JPH3: variants seen among roughly 807,000 people sequenced by gnomAD.
The protein encoded by JPH3 is junctophilin 3.
Under a neutral mutation model 59.6 loss-of-function variants are expected in JPH3, and 11 were observed. The ratio of observed to expected loss-of-function variants is 0.18; its 90% CI spans 0.12 to 0.31. JPH3 has a LOEUF of 0.31. Ranked by LOEUF, JPH3 falls within the 10% of genes least tolerant of loss-of-function variation. The pLI is 1.00. For synonymous variants in JPH3, 673 were observed against 483.6 expected, an observed-to-expected ratio of 1.39 and a Z score of -5.14; for missense variants, 1,202 against 1,105.7, an observed-to-expected ratio of 1.09 and a Z score of -1.24.
Position 87,602,897 on chromosome 16 carries a change from C to T in JPH3, c.-250C>T. 1 of 271,716 alleles carries T rather than the reference C, an allele frequency of 3.7e-6. No homozygotes were observed. The highest frequency in any genetic ancestry group is 3.1e-5 in the South Asian group (1 of 32,244). The allele number at this position is 271,716 out of a possible 1,614,324, so 16.8% of individuals were successfully genotyped here. The stretch of plus-strand genomic sequence containing the variant: ...CTCCCCCTCCCCTCCGGTCCTGTCT[C>T]CAGCGGGAGCGCGAGACGCTGGTCA... On this transcript the variant is annotated 5_prime_UTR_variant, in exon 1 of 5. Transcript: ENST00000284262.
intron 2 of JPH3, among the ~76,000 whole-genome samples, chr16:87,652,709 T>C (rs2032364691): frequency 6.6e-6 from 1 of 152,206 alleles, no homozygotes; most frequent in South Asian, 2.1e-4. Flanking sequence ...TAGATGATGG[T>C]GCCTACTCTC....
At chr16:87,679,984 C>T (rs2033245016) in intron 2 of JPH3, among the ~76,000 whole-genome samples, 1 of 152,344 alleles carries the variant, frequency 6.6e-6, no homozygotes, top group Non-Finnish European at 1.5e-5. Flanking sequence ...GTTGGGGGGC[C>T]TGTGGACCCC....
chr16:87,676,938 G>A (rs112249770), intron 2 of JPH3, among the ~76,000 whole-genome samples: 2 of 151,902 alleles, frequency 1.3e-5, no homozygotes, highest in African/African-American at 4.9e-5. Context: ...TGGGGAGGCT[G>A]AAGTGGGCGG....
chr16:87,644,481 T>C lies in JPH3; in HGVS notation c.606T>C (p.Ser202=). The C allele has an allele frequency of 1.2e-6, 2 of 1,612,756 alleles. No homozygotes were observed. The highest frequency in any genetic ancestry group is 1.3e-5 in the African/African-American group (1 of 75,014). Residue 202 remains serine, a synonymous_variant, in exon 2 of 5, where the codon AGT becomes AGC. Coordinates refer to ENST00000284262, the MANE Select transcript of JPH3 (RefSeq NM_020655.4). The part of the protein sequence containing the change: ...SRGGFVLVAH[S]DSEILKSKKK... ...GGGGCTTCGTGCTCGTGGCCCACAG[T>C]GACTCCGAGATCCTCAAGAGCAAGA...
In JPH3 at chr16:87,644,413, G is replaced by A. The variant is rs538808011; in HGVS notation, c.538G>A (p.Asp180Asn). Reference sequence around the variant, plus strand: ...CACCAACGGCACGGCGCTGCATCCCGACGCCTCTCCGGCGGTGGCCGGCAG... The same window carrying A: ...CACCAACGGCACGGCGCTGCATCCCAACGCCTCTCCGGCGGTGGCCGGCAG... ...EHTNGTALHP[D>N]ASPAVAGSPA... The change falls in exon 2 of 5, where the codon GAC becomes AAC. Residue 180 changes from aspartate (D) to asparagine (N), a missense_variant. Physicochemically the swap from Asp to Asn is conservative, Grantham distance 23. Coordinates refer to ENST00000284262, the MANE Select transcript of JPH3 (RefSeq NM_020655.4). The A allele has an allele frequency of 4.7e-5, 76 of 1,612,426 alleles. No individual in the cohort carries two copies. Among genetic ancestry groups the A allele is most frequent in the Admixed American group, 1.2e-4 (7 of 59,986 alleles).
intron 2 of JPH3, among the ~76,000 whole-genome samples, chr16:87,649,783 A>AAGGTTCATTGCCC (rs151153247): frequency 6.6e-6 from 1 of 151,400 alleles, no homozygotes; most frequent in Non-Finnish European, 1.5e-5. Flanking sequence ...CCCCAGGGTG[A>AAGGTTCATTGCCC]AGGAGACATC....
chr16:87,626,265 CTG>C (rs942479780), intron 1 of JPH3, among the ~76,000 whole-genome samples: 15 of 152,142 alleles, frequency 9.9e-5, no homozygotes, highest in African/African-American at 3.6e-4. Flanking sequence ...CACGTGCAGA[CTG>C]AGGTTGCTTA....
In JPH3 at chr16:87,690,270, G is replaced by T. The variant is rs752043597; in HGVS notation, c.1910G>T (p.Arg637Leu). The T allele has an allele frequency of 2.2e-5, 35 of 1,601,690 alleles. No homozygotes were observed. The highest frequency in any genetic ancestry group is 2.9e-5 in the Non-Finnish European group (34 of 1,174,582). ...KRRYSKGGAC[R>L]GLGDDHRPED... is the part of the protein sequence containing the mutation. ...CGCTACAGCAAGGGCGGCGCCTGCC[G>T]GGGCTTGGGGGACGACCACCGCCCC... Residue 637 changes from arginine (R) to leucine (L), a missense_variant, in exon 4 of 5, where the codon CGG (arginine) becomes CTG (leucine). Coordinates refer to ENST00000284262, the MANE Select transcript of JPH3 (RefSeq NM_020655.4).
intron 1 of JPH3, among the ~76,000 whole-genome samples, chr16:87,630,262 C>G (rs1196534802): frequency 6.6e-6 from 1 of 152,214 alleles, no homozygotes; most frequent in African/African-American, 2.4e-5. Flanking sequence ...CTGTTCTTGG[C>G]ACCTCCCACC....
At chr16:87,684,642 G>A (rs1156792990) in intron 3 of JPH3, among the ~76,000 whole-genome samples, 2 of 152,218 alleles carry the variant, frequency 1.3e-5, no homozygotes, top group African/African-American at 2.4e-5. Context: ...TGGGTCCAGC[G>A]TGGCAGCCAT....
intron 2 of JPH3, among the ~76,000 whole-genome samples, chr16:87,646,180 G>A (rs1405291665): frequency 1.3e-5 from 2 of 152,214 alleles, no homozygotes; most frequent in African/African-American, 4.8e-5. Context: ...GCCTGGGTGC[G>A]GCTCAGCCCT....
intron 1 of JPH3, among the ~76,000 whole-genome samples, chr16:87,631,620 G>T (rs779276969): frequency 6.6e-6 from 1 of 152,074 alleles, no homozygotes; most frequent in Non-Finnish European, 1.5e-5. Context: ...CAGTCTGGAC[G>T]CTCACACCCT....
chr16:87,683,537 C>T (rs574354457), intron 2 of JPH3, among the ~76,000 whole-genome samples: 1 of 152,256 alleles, frequency 6.6e-6, no homozygotes, highest in South Asian at 2.1e-4. Flanking sequence ...AACTCCTGAC[C>T]TCATGATCTG....
At chr16:87,636,164 A>G (rs1286346414) in intron 1 of JPH3, among the ~76,000 whole-genome samples, 1 of 152,150 alleles carries the variant, frequency 6.6e-6, no homozygotes, top group Admixed American at 6.5e-5. Context: ...GGCTTTGGGA[A>G]TCAGCGGCTT....
At chr16:87,670,631 C>T (rs566581507) in intron 2 of JPH3, among the ~76,000 whole-genome samples, 132 of 152,384 alleles carry the variant, frequency 8.7e-4, no homozygotes, top group Admixed American at 1.8e-3. Flanking sequence ...CACTGGGTGC[C>T]ACACACTGCG....
chr16:87,629,597 A>G (rs1301188447), intron 1 of JPH3, among the ~76,000 whole-genome samples: 1 of 151,210 alleles, frequency 6.6e-6, no homozygotes, highest in East Asian at 2.0e-4. Flanking sequence ...TGAAGAGGCC[A>G]CATCCCGTGG....
chr16:87,681,010 C>T (rs1027707772), intron 2 of JPH3, among the ~76,000 whole-genome samples: 5 of 152,104 alleles, frequency 3.3e-5, no homozygotes, highest in South Asian at 2.1e-4. Context: ...TCTGAACAGC[C>T]GGGGAAGTGA....
At chr16:87,609,836 C>T (rs377008006) in intron 1 of JPH3, among the ~76,000 whole-genome samples, 5 of 152,292 alleles carry the variant, frequency 3.3e-5, no homozygotes, top group African/African-American at 1.2e-4. Flanking sequence ...AATTTTTCTA[C>T]CGCCCAGGGT....
At chr16:87,639,026 C>T (rs750188895) in intron 1 of JPH3, among the ~76,000 whole-genome samples, 2 of 152,180 alleles carry the variant, frequency 1.3e-5, no homozygotes, top group Non-Finnish European at 2.9e-5. Context: ...TGGGTTCTAA[C>T]GCTGCCGCTT....
Sources: allele counts gnomAD v4.1 joint callset (sites outside exome capture counted in the v4.1 genomes callset), GRCh38; gene constraint gnomAD v4.1.1; transcripts MANE v1.5; gene names NCBI Gene and HGNC (gene_info 2026-07-23, HGNC 2026-07-21).